The following PHC3 variants were observed in gnomAD, a reference collection of about 807,000 sequenced individuals.
The protein encoded by PHC3 is polyhomeotic homolog 3.
A neutral mutation model predicts 107.4 loss-of-function variants in PHC3; 13 were observed. The ratio of observed to expected loss-of-function variants is 0.12; its 90% CI spans 0.08 to 0.19. The LOEUF (loss-of-function observed/expected upper bound fraction) is 0.19, where lower values mean the gene tolerates loss of function less well. Among genes scored for constraint, PHC3 ranks in the 10% least tolerant of loss-of-function variants. The pLI, the probability that PHC3 is intolerant of heterozygous loss-of-function variation, is 1.00. For synonymous variants in PHC3, 456 were observed against 427.4 expected, an observed-to-expected ratio of 1.07 and a Z score of -0.83; for missense variants, 992 against 1,210.9, an observed-to-expected ratio of 0.82 and a Z score of 2.68.
intron 14 of PHC3, among the ~76,000 whole-genome samples, chr3:170,100,982 C>G (rs1715371488): frequency 6.6e-6 from 1 of 152,136 alleles, no homozygotes; most frequent in African/African-American, 2.4e-5. Flanking sequence ...AGAATCAAAG[C>G]CCAGCCCCAG....
At chr3:170,116,727 C>T (rs979716027) in intron 10 of PHC3, among the ~76,000 whole-genome samples, 7 of 151,850 alleles carry the variant, frequency 4.6e-5, no homozygotes, top group African/African-American at 1.5e-4. Context: ...CTGAGAAACA[C>T]GGCAAGACCT....
intron 9 of PHC3, among the ~76,000 whole-genome samples, chr3:170,119,036 T>TAAAAAAAAAAAAAAA (rs1002478959): frequency 5.7e-4 from 41 of 72,564 alleles, no homozygotes; most frequent in African/African-American, 1.2e-3. Flanking sequence ...TATAAAAAGC[T>TAAAAAAAAAAAAAAA]AAAAAAAAAA....
At chr3:170,122,376 G>A (rs1397947725) in intron 9 of PHC3, among the ~76,000 whole-genome samples, 2 of 152,168 alleles carry the variant, frequency 1.3e-5, no homozygotes, top group Non-Finnish European at 2.9e-5. Context: ...GGCCAAGGCA[G>A]TAAAATCACT....
chr3:170,142,682 C>T (rs1000715564), intron 6 of PHC3, among the ~76,000 whole-genome samples: 2 of 152,138 alleles, frequency 1.3e-5, no homozygotes, highest in Admixed American at 6.6e-5. Flanking sequence ...TGCCACTTTC[C>T]TAGTTTTATT....
chr3:170,181,484 G>C (rs150953892), intron 1 of PHC3, among the ~76,000 whole-genome samples: 1,632 of 152,238 alleles, frequency 0.011, 33 homozygotes, highest in African/African-American at 0.037. Flanking sequence ...GGACCTGATG[G>C]CGGAAGGGGC....
chr3:170,136,571 G>C lies in PHC3; in HGVS notation c.767C>G (p.Thr256Arg), dbSNP rs1367288015. Reference protein sequence around the residue: ...PKSTSQTQSLTICHNKTTVTS... With the variant: ...PKSTSQTQSLRICHNKTTVTS... ...CACTGTTGTTTTGTTATGACAAATT[G>C]TCAATGACTGAGTTTGACTAGTGCT... Residue 256 changes from threonine (T) to arginine (R), a missense_variant, in exon 7 of 15, where the codon ACA (threonine) becomes AGA (arginine). By Grantham distance (71) the Thr-to-Arg change is moderately conservative. Around this residue, in one of 6 missense-constraint regions of PHC3, gnomAD observed 543 missense variants for 590.8 expected, o/e 0.92. Transcript: ENST00000495893. 1 of 1,613,526 alleles carries C rather than the reference G, an allele frequency of 6.2e-7. No individual in the cohort carries two copies. Among genetic ancestry groups the C allele is most frequent in the East Asian group, 2.2e-5 (1 of 44,858 alleles).
At position 170,097,423 on chromosome 3, in the gene PHC3, T is replaced by C. The variant is rs768446562; in HGVS notation, c.2834-39A>G. The C allele has an allele frequency of 7.5e-6, 12 of 1,591,018 alleles. No homozygotes were observed. The highest frequency in any genetic ancestry group is 4.5e-5 in the East Asian group (2 of 44,702). The stretch of plus-strand genomic sequence containing the variant: ...AGAGGACAGAAGTTAGAATTAAATA[T>C]ACAACAATTAGACATTACTCCTAAC... On this transcript the variant is annotated intron_variant, in intron 14 of 14. Coordinates refer to ENST00000495893, the MANE Select transcript of PHC3 (RefSeq NM_024947.4). This position sits in a 1 kb window ranked among gnomAD's most constrained non-coding sequence, Gnocchi z 4.1.
chr3:170,157,055 A>G (rs530630023), intron 4 of PHC3, among the ~76,000 whole-genome samples: 14 of 152,372 alleles, frequency 9.2e-5, no homozygotes, highest in Admixed American at 8.5e-4. Context: ...CATCCTAGAA[A>G]GAAAACTTGC....
intron 12 of PHC3, among the ~76,000 whole-genome samples, chr3:170,106,462 GT>G (rs1716539392): frequency 1.3e-5 from 2 of 152,132 alleles, no homozygotes; most frequent in South Asian, 4.1e-4. Flanking sequence ...AACAAATACT[GT>G]TTTTGATACT....
rs1721870301 is a variant in PHC3 at position 170,129,299 on chromosome 3, G to A, written c.1173C>T (p.Pro391=). 6.2e-7 allele frequency: 1 copy of A among 1,613,990 alleles called. No homozygotes were observed. Among genetic ancestry groups the A allele is most frequent in the Non-Finnish European group, 8.5e-7 (1 of 1,179,882 alleles). Residue 391 remains proline, a synonymous_variant, in exon 8 of 15, where the codon CCC becomes CCT. Transcript: ENST00000495893. ...GATTAGGAGACACTGTTAAAGGAGAGGGATGACTCTGAATCGGTGAACAAT... is the reference window on the plus strand; with the variant it reads ...GATTAGGAGACACTGTTAAAGGAGAAGGATGACTCTGAATCGGTGAACAAT... ...SQHCSPIQSH[P]SPLTVSPNQS...
intron 11 of PHC3, among the ~76,000 whole-genome samples, chr3:170,112,002 C>T (rs931995719): frequency 6.6e-6 from 1 of 152,090 alleles, no homozygotes; most frequent in Non-Finnish European, 1.5e-5. Context: ...ATTCTAAATG[C>T]TACTGCATTA....
Position 170,129,238 on chromosome 3 carries a change from G to A in PHC3, c.1234C>T (p.Pro412Ser), listed in dbSNP as rs760988361. ...QSAQQSVVVS[P>S]PPPHSPSQSP... ...TGACTTGGTGAATGAGGTGGTGGAG[G>A]AGACACCACTACAGACTGCTGTGCT... Residue 412 changes from proline (P) to serine (S), a missense_variant, in exon 8 of 15, where the codon CCT becomes TCT. Around this residue, in one of 6 missense-constraint regions of PHC3, gnomAD observed 543 missense variants for 590.8 expected, o/e 0.92. Coordinates refer to ENST00000495893, the MANE Select transcript of PHC3 (RefSeq NM_024947.4). 6 of 1,612,614 alleles carry A rather than the reference G, an allele frequency of 3.7e-6. No homozygotes were observed. The highest frequency in any genetic ancestry group is 1.1e-5 in the South Asian group (1 of 91,036).
At chr3:170,128,001 A>G (rs1721633518) in intron 8 of PHC3, among the ~76,000 whole-genome samples, 1 of 152,156 alleles carries the variant, frequency 6.6e-6, no homozygotes, top group Non-Finnish European at 1.5e-5. Flanking sequence ...TCATCTACCA[A>G]GATTTTTTGA....
chr3:170,135,264 C>A (rs533642680), intron 7 of PHC3, among the ~76,000 whole-genome samples: 1 of 152,188 alleles, frequency 6.6e-6, no homozygotes, highest in East Asian at 1.9e-4. Flanking sequence ...AACTCTCATA[C>A]CTCAGCCTCC....
chr3:170,136,197 G>A (rs1422607195), intron 7 of PHC3: 12 of 489,786 alleles, frequency 2.5e-5, no homozygotes, highest in Non-Finnish European at 4.2e-5. Context: ...ATAATCAAAT[G>A]TAATTTGATT....
chr3:170,155,054 G>GATT (rs1433342634), intron 4 of PHC3, among the ~76,000 whole-genome samples: 10 of 152,108 alleles, frequency 6.6e-5, no homozygotes, highest in African/African-American at 2.4e-4. Flanking sequence ...TACTGAGCCC[G>GATT]ATTACTGCAA....
At chr3:170,102,402 A>C in intron 14 of PHC3, 77 bp downstream of exon 14, 2 of 1,542,764 alleles carry the variant, frequency 1.3e-6, no homozygotes, top group Non-Finnish European at 1.8e-6. Context: ...TTTTGTGCAA[A>C]AGGTGTGGAT....
intron 4 of PHC3, among the ~76,000 whole-genome samples, chr3:170,155,667 G>A: frequency 6.6e-6 from 1 of 152,140 alleles, no homozygotes; most frequent in South Asian, 2.1e-4. Context: ...GTTGCAGTGA[G>A]CCGAGATTGC....
chr3:170,127,768 T>A (rs111548427), intron 8 of PHC3, among the ~76,000 whole-genome samples: 1 of 152,202 alleles, frequency 6.6e-6, no homozygotes, highest in African/African-American at 2.4e-5. Context: ...AGTTACAAAT[T>A]ATGAATTTGA....
Sources: gnomAD v4.1 joint callset for allele counts (sites outside exome capture counted in the v4.1 genomes callset) on GRCh38, gnomAD v4.1.1 for gene constraint, gnomAD v4.1.1 regional missense constraint, Gnocchi (gnomAD v3.1) non-coding constraint, MANE v1.5 for transcripts, NCBI Gene and HGNC (gene_info 2026-07-23, HGNC 2026-07-21) for gene names.